AUTS2: variants seen among roughly 807,000 people sequenced by gnomAD.
AUTS2 encodes autism susceptibility gene 2 protein.
A neutral mutation model predicts 112.4 loss-of-function variants in AUTS2; 17 were observed. The ratio of observed to expected loss-of-function variants is 0.15; its 90% CI spans 0.10 to 0.23. AUTS2 has a LOEUF of 0.23. Among genes scored for constraint, AUTS2 ranks in the 10% least tolerant of loss-of-function variants. AUTS2 has a pLI of 1.00. For synonymous variants in AUTS2, 751 were observed against 702.7 expected (o/e 1.07, Z -1.09); for missense variants, 1,510 against 1,701.6 (o/e 0.89, Z 1.98).
At chr7:69,939,200 A>G (rs972443307) in intron 2 of AUTS2, among the ~76,000 whole-genome samples, 1 of 152,210 alleles carries the variant, frequency 6.6e-6, no homozygotes, top group Non-Finnish European at 1.5e-5. Context: ...AGGGCTCAAC[A>G]TGTGAACAAT....
chr7:70,669,166 C>G (rs1350538667), intron 5 of AUTS2, among the ~76,000 whole-genome samples: 1 of 152,214 alleles, frequency 6.6e-6, no homozygotes, highest in African/African-American at 2.4e-5. Flanking sequence ...AGAAGTGAGG[C>G]TCGCTGTCTC....
intron 2 of AUTS2, among the ~76,000 whole-genome samples, chr7:69,950,432 A>G (rs1464549282): frequency 1.3e-5 from 2 of 152,170 alleles, no homozygotes; most frequent in African/African-American, 4.8e-5. Context: ...AATTTTTTTC[A>G]ACATAGTTTT....
chr7:70,789,606 G>A, intron 18 of AUTS2, 142 bp from the exon 19 acceptor site: 1 of 967,646 alleles, frequency 1.0e-6, no homozygotes, highest in Non-Finnish European at 1.5e-6. Flanking sequence ...GCCCTGTCCA[G>A]GGCACGGCTG....
intron 4 of AUTS2, among the ~76,000 whole-genome samples, chr7:70,432,685 C>T (rs1196330693): frequency 1.3e-5 from 2 of 152,158 alleles, no homozygotes; most frequent in Admixed American, 6.5e-5. Flanking sequence ...AAACGTTAGG[C>T]GCTGTTTGCT....
intron 2 of AUTS2, among the ~76,000 whole-genome samples, chr7:69,972,828 T>C (rs1392105533): frequency 6.6e-6 from 1 of 152,140 alleles, no homozygotes; most frequent in African/African-American, 2.4e-5. Context: ...TGTTTTGGGT[T>C]TCTCTATTCC....
chr7:70,535,792 T>C (rs191107912), intron 5 of AUTS2, among the ~76,000 whole-genome samples: 53 of 152,338 alleles, frequency 3.5e-4, no homozygotes, highest in African/African-American at 1.2e-3. Context: ...CTGGCTTAGT[T>C]AGTCTTCCTT....
chr7:70,029,297 C>T (rs993783115), intron 2 of AUTS2, among the ~76,000 whole-genome samples: 12 of 142,450 alleles, frequency 8.4e-5, no homozygotes, highest in Admixed American at 5.0e-4. Flanking sequence ...CTCCATTAGA[C>T]GTGATGTTTC....
chr7:70,456,092 G>A (rs1487002967), intron 5 of AUTS2, among the ~76,000 whole-genome samples: 1 of 152,188 alleles, frequency 6.6e-6, no homozygotes, highest in African/African-American at 2.4e-5. Context: ...CAGGTTATAT[G>A]TATGCACATC....
intron 4 of AUTS2, among the ~76,000 whole-genome samples, chr7:70,204,867 A>G (rs1348662113): frequency 1.3e-5 from 2 of 152,058 alleles, no homozygotes; most frequent in Non-Finnish European, 2.9e-5. Context: ...TCTGCTATCT[A>G]TGGGTTTCAT....
intron 1 of AUTS2, among the ~76,000 whole-genome samples, chr7:69,835,797 T>C (rs1245630131): frequency 6.6e-6 from 1 of 152,224 alleles, no homozygotes; most frequent in Non-Finnish European, 1.5e-5. Context: ...CCTGGAATCA[T>C]GTAGGACATT....
intron 4 of AUTS2, among the ~76,000 whole-genome samples, chr7:70,144,609 T>A (rs980717525): frequency 1.3e-5 from 2 of 152,084 alleles, no homozygotes; most frequent in African/African-American, 2.4e-5. Flanking sequence ...GACCTATTAT[T>A]TTGGTTTTAC....
chr7:70,409,415 A>T (rs1467588401), intron 4 of AUTS2, among the ~76,000 whole-genome samples: 1 of 152,176 alleles, frequency 6.6e-6, no homozygotes, highest in Non-Finnish European at 1.5e-5. Flanking sequence ...AATATAGGTT[A>T]TTAGTTTGGA....
intron 5 of AUTS2, among the ~76,000 whole-genome samples, chr7:70,576,300 G>T (rs1174948464): frequency 6.6e-6 from 1 of 152,152 alleles, no homozygotes; most frequent in African/African-American, 2.4e-5. Flanking sequence ...AGGGGTCAAA[G>T]AGAGGGATCC....
chr7:70,675,627 G>T (rs962808865), intron 5 of AUTS2, among the ~76,000 whole-genome samples: 1 of 152,232 alleles, frequency 6.6e-6, no homozygotes, highest in African/African-American at 2.4e-5. Flanking sequence ...GAAGCAGTTT[G>T]TCTCTGCTCC....
At chr7:69,820,774 G>A (rs1790954858) in intron 1 of AUTS2, among the ~76,000 whole-genome samples, 2 of 152,194 alleles carry the variant, frequency 1.3e-5, no homozygotes, top group Admixed American at 1.3e-4. Flanking sequence ...GCTCAGATGT[G>A]ATAGGGAGGG....
At chr7:70,452,232 C>A (rs1475790846) in intron 5 of AUTS2, among the ~76,000 whole-genome samples, 1 of 152,074 alleles carries the variant, frequency 6.6e-6, no homozygotes, top group East Asian at 1.9e-4. Flanking sequence ...CACCTGTAAT[C>A]CCAGCACTTT....
At chr7:70,113,753 A>G (rs1163159510) in intron 2 of AUTS2, among the ~76,000 whole-genome samples, 1 of 152,226 alleles carries the variant, frequency 6.6e-6, no homozygotes, top group Non-Finnish European at 1.5e-5. Flanking sequence ...TTGATGGATT[A>G]ATGACACCTA....
At chr7:69,792,940 G>T (rs1270796121) in intron 1 of AUTS2, among the ~76,000 whole-genome samples, 1 of 152,132 alleles carries the variant, frequency 6.6e-6, no homozygotes, top group Non-Finnish European at 1.5e-5. Flanking sequence ...TTCTTTCTCA[G>T]GGGCCGGGCT....
At chr7:70,608,712 C>G (rs1243433600) in intron 5 of AUTS2, among the ~76,000 whole-genome samples, 1 of 152,120 alleles carries the variant, frequency 6.6e-6, no homozygotes, top group African/African-American at 2.4e-5. Flanking sequence ...TGATATTGGA[C>G]AATCCCCTGG....
Sources: allele counts gnomAD v4.1 joint callset (sites outside exome capture counted in the v4.1 genomes callset), GRCh38; gene constraint gnomAD v4.1.1; transcripts MANE v1.5; gene names NCBI Gene and HGNC (gene_info 2026-07-23, HGNC 2026-07-21).